The following ANKRD17 variants were observed in gnomAD, a reference collection of about 807,000 sequenced individuals.
ANKRD17 encodes ankyrin repeat domain-containing protein 17.
In ANKRD17, 19 loss-of-function variants were observed where a neutral mutation model predicts 229.7. That is an observed-to-expected ratio of 0.08 (90% confidence interval 0.06 to 0.12). ANKRD17 has a LOEUF of 0.12. Ranked by LOEUF, ANKRD17 falls within the 10% of genes least tolerant of loss-of-function variation. The pLI is 1.00. For missense variants in ANKRD17, 2,176 were observed against 3,176.8 expected (o/e 0.68, Z 7.57); for synonymous variants, 1,112 against 1,146.1 (o/e 0.97, Z 0.60).
rs529321832 is a variant in ANKRD17 at position 73,200,513 on chromosome 4, T to C, written c.394-22980A>G. 2.8e-4 allele frequency among the ~76,000 whole-genome samples: 42 copies of C among 152,238 alleles called. No homozygotes were observed. The South Asian group carries it at 8.3e-3, about 30-fold the overall frequency. On this transcript the variant is annotated intron_variant, in intron 1 of 33. Coordinates refer to ENST00000358602, the MANE Select transcript of ANKRD17 (RefSeq NM_032217.5). ...ATAGTTTTGGGGAGTGGCCTGGGCA[T>C]AGGGATTTTTTATAGCTCCCCAGGT...
In ANKRD17 at chr4:73,090,927, A is replaced by G. The variant is rs777604842; in HGVS notation, c.6701T>C (p.Val2234Ala). 3 of 1,614,228 alleles carry G rather than the reference A, an allele frequency of 1.9e-6. No individual in the cohort carries two copies. The East Asian group carries it at 6.7e-5, about 36-fold the overall frequency. The change falls in exon 29 of 34, where the codon GTA becomes GCA. Residue 2234 changes from valine (V) to alanine (A), a missense_variant. Val to Ala is a moderately conservative substitution (Grantham distance 64). Coordinates refer to ENST00000358602, the MANE Select transcript of ANKRD17 (RefSeq NM_032217.5). Reference sequence around the variant, plus strand: ...AGCAATAGGCTTATTTGCTGGATGTACTGAATTCTGACAAGCACTTTGTGT... The same window carrying G: ...AGCAATAGGCTTATTTGCTGGATGTGCTGAATTCTGACAAGCACTTTGTGT... ...LSTQSACQNS[V>A]HPANKPIAPN...
chr4:73,254,243 T>A (rs1366572474), intron 1 of ANKRD17, among the ~76,000 whole-genome samples: 1 of 152,228 alleles, frequency 6.6e-6, no homozygotes, highest in Admixed American at 6.5e-5. Context: ...CAACTCTCTT[T>A]TTCTGTCTGT....
chr4:73,128,365 T>C (rs1727755819), intron 16 of ANKRD17, among the ~76,000 whole-genome samples: 2 of 152,222 alleles, frequency 1.3e-5, no homozygotes, highest in East Asian at 1.9e-4. Flanking sequence ...TTGGTGCATA[T>C]GCAATCAGCA....
intron 1 of ANKRD17, among the ~76,000 whole-genome samples, chr4:73,246,308 A>G (rs1052851405): frequency 6.6e-6 from 1 of 152,184 alleles, no homozygotes; most frequent in Non-Finnish European, 1.5e-5. Flanking sequence ...TGATTATCCT[A>G]TTCCTACTCA....
intron 10 of ANKRD17, among the ~76,000 whole-genome samples, chr4:73,146,484 T>C (rs952083372): frequency 1.3e-5 from 2 of 152,086 alleles, no homozygotes; most frequent in Non-Finnish European, 2.9e-5. Flanking sequence ...TAAAAATAGT[T>C]AATATCTAAG....
At chr4:73,118,975 C>T in intron 21 of ANKRD17, 125 bp from the exon 22 acceptor site, 1 of 972,166 alleles carries the variant, frequency 1.0e-6, no homozygotes, top group Non-Finnish European at 1.5e-6. Flanking sequence ...CAGCCTCCAC[C>T]TCCAGGGGTC....
intron 1 of ANKRD17, among the ~76,000 whole-genome samples, chr4:73,247,620 A>G (rs1012196326): frequency 1.3e-5 from 2 of 152,030 alleles, no homozygotes; most frequent in Non-Finnish European, 1.5e-5. Context: ...ACCAACTGTT[A>G]GCAGCATTTA....
intron 1 of ANKRD17, among the ~76,000 whole-genome samples, chr4:73,194,410 A>G (rs1737559376): frequency 6.6e-6 from 1 of 152,358 alleles, no homozygotes; most frequent in South Asian, 2.1e-4. Flanking sequence ...TATCTTCCCT[A>G]GACTATTCTG....
chr4:73,192,344 A>T (rs1737234088), intron 1 of ANKRD17, among the ~76,000 whole-genome samples: 1 of 152,112 alleles, frequency 6.6e-6, no homozygotes, highest in Non-Finnish European at 1.5e-5. Flanking sequence ...AGCAGCCTGA[A>T]GCAAAAAAAA....
chr4:73,197,899 AAT>A (rs1356149411), intron 1 of ANKRD17, among the ~76,000 whole-genome samples: 7 of 152,190 alleles, frequency 4.6e-5, no homozygotes, highest in Non-Finnish European at 1.0e-4. Flanking sequence ...CATTGTATTA[AAT>A]ATATGTTTTT....
chr4:73,113,060 A>G, intron 24 of ANKRD17: 1 of 1,146,494 alleles, frequency 8.7e-7, no homozygotes, highest in Non-Finnish European at 1.1e-6. Context: ...AGTGCTGGGA[A>G]TACAGGCGTG....
intron 1 of ANKRD17, among the ~76,000 whole-genome samples, chr4:73,249,527 A>G (rs1370649941): frequency 6.6e-6 from 1 of 152,236 alleles, no homozygotes. Context: ...CTTATAAGTC[A>G]GTTTGAGTAT....
chr4:73,222,224 T>C (rs112463591), intron 1 of ANKRD17, among the ~76,000 whole-genome samples: 17 of 152,208 alleles, frequency 1.1e-4, no homozygotes, highest in African/African-American at 3.9e-4. Context: ...AAATTTCTAA[T>C]AGTATACTAC....
intron 24 of ANKRD17, among the ~76,000 whole-genome samples, chr4:73,110,690 C>A (rs1200985346): frequency 6.6e-6 from 1 of 152,084 alleles, no homozygotes; most frequent in Admixed American, 6.5e-5. Context: ...CTCTAATATC[C>A]CAATGTGATA....
intron 18 of ANKRD17, among the ~76,000 whole-genome samples, chr4:73,124,393 T>C (rs1727163691): frequency 6.6e-6 from 1 of 151,900 alleles, no homozygotes; most frequent in Admixed American, 6.6e-5. Context: ...TCAGTTGTTC[T>C]AGTTTCCTTA....
chr4:73,192,211 T>C (rs888723257), intron 1 of ANKRD17, among the ~76,000 whole-genome samples: 1 of 152,116 alleles, frequency 6.6e-6, no homozygotes, highest in Non-Finnish European at 1.5e-5. Flanking sequence ...GAACCTATTT[T>C]GTTCCTTGCT....
chr4:73,110,124 A>T (rs1392436454), intron 24 of ANKRD17, among the ~76,000 whole-genome samples: 1 of 151,766 alleles, frequency 6.6e-6, no homozygotes, highest in East Asian at 1.9e-4. Flanking sequence ...TGAAATAATT[A>T]TATCAAAAAT....
intron 1 of ANKRD17, among the ~76,000 whole-genome samples, chr4:73,184,485 CGCCATTGCACCCA>C (rs1203077693): frequency 1.4e-5 from 2 of 140,268 alleles, no homozygotes; most frequent in East Asian, 4.2e-4. Flanking sequence ...GCCAAGATAG[CGCCATTGCACCCA>C]GCCTGAGGGA....
intron 16 of ANKRD17, among the ~76,000 whole-genome samples, chr4:73,129,390 A>G (rs1727889077): frequency 6.6e-6 from 1 of 152,252 alleles, no homozygotes; most frequent in African/African-American, 2.4e-5. Flanking sequence ...TAATGAGCTG[A>G]AATTCAGGTG....
Sources: allele counts gnomAD v4.1 joint callset (sites outside exome capture counted in the v4.1 genomes callset), GRCh38; gene constraint gnomAD v4.1.1; transcripts MANE v1.5; gene names NCBI Gene and HGNC (gene_info 2026-07-23, HGNC 2026-07-21).